KLRF2: variants seen among roughly 807,000 people sequenced by gnomAD.
KLRF2 encodes the protein killer cell lectin like receptor F2, also known as killer cell lectin-like receptor subfamily F member 2.
A neutral mutation model predicts 25.3 loss-of-function variants in KLRF2; 28 were observed. The ratio of observed to expected loss-of-function variants is 1.11; its 90% CI spans 0.82 to 1.52. The LOEUF is 1.52. Ranked by LOEUF, KLRF2 falls within the 40% of genes most tolerant of loss-of-function variation. The probability of loss-of-function intolerance (pLI) is 0.00; values close to 1 mark genes in which losing one functional copy is unlikely to be tolerated. For synonymous variants in KLRF2, 73 were observed against 85.0 expected, an observed-to-expected ratio of 0.86 and a Z score of 0.78; for missense variants, 265 against 245.8, an observed-to-expected ratio of 1.08 and a Z score of -0.52.
chr12:9,891,425 C>G (rs1358557982), intron 3 of KLRF2, among the ~76,000 whole-genome samples: 1 of 152,192 alleles, frequency 6.6e-6, no homozygotes, highest in Non-Finnish European at 1.5e-5. Context: ...CAATGCTACA[C>G]TCATCATTTG....
At position 9,893,478 on chromosome 12, in the gene KLRF2, T is replaced by C. The variant is rs1257184797; in HGVS notation, c.416T>C (p.Leu139Pro). 1 of 1,522,830 alleles carries C rather than the reference T, an allele frequency of 6.6e-7. No homozygotes were observed. The highest frequency in any genetic ancestry group is 8.8e-7 in the Non-Finnish European group (1 of 1,135,716). 94.3% of individuals were successfully genotyped at this position (1,522,830 alleles called of 1,614,324 possible). ...CCTGGACATTTTGGTTGGATTGGAC[T>C]ATATGTTACATTCCAAGGGAACCTA... ...LKPGHFGWIG[L>P]YVTFQGNLWM... The change falls in exon 5 of 6, where the codon CTA becomes CCA. Residue 139 changes from leucine to proline, a missense_variant. Leu to Pro is a moderately conservative substitution (Grantham distance 98). Transcript: ENST00000535540.
chr12:9,889,646 A>ATGTG (rs747024498), intron 3 of KLRF2, among the ~76,000 whole-genome samples: 4 of 140,608 alleles, frequency 2.8e-5, no homozygotes, highest in South Asian at 2.2e-4. Flanking sequence ...GTGTATATAT[A>ATGTG]TGTGTGTGTG....
At chr12:9,890,777 C>T (rs1196393500) in intron 3 of KLRF2, among the ~76,000 whole-genome samples, 3 of 152,260 alleles carry the variant, frequency 2.0e-5, no homozygotes, top group South Asian at 4.1e-4. Flanking sequence ...AGTGATATTT[C>T]GTCATATTCA....
At chr12:9,888,929 T>C (rs752978137) in intron 3 of KLRF2, 149 bp downstream of exon 3, 9 of 490,072 alleles carry the variant, frequency 1.8e-5, no homozygotes, top group African/African-American at 3.8e-5. Context: ...TCTTCCTCAG[T>C]GCCATTGCTG....
chr12:9,894,559 G>T (rs577144392), intron 5 of KLRF2, among the ~76,000 whole-genome samples: 1 of 152,290 alleles, frequency 6.6e-6, no homozygotes, highest in African/African-American at 2.4e-5. Flanking sequence ...AACATGAGGT[G>T]TTGCATGTAA....
At chr12:9,881,910 G>A (rs1380801781) in intron 1 of KLRF2, among the ~76,000 whole-genome samples, 1 of 152,054 alleles carries the variant, frequency 6.6e-6, no homozygotes, top group East Asian at 1.9e-4. Context: ...TGTAGCATAA[G>A]AACATCACTT....
Position 9,893,429 on chromosome 12 carries a change from G to T in KLRF2, c.367G>T (p.Glu123Ter), listed in dbSNP as rs952140217. The T allele has an allele frequency of 1.7e-5, 23 of 1,321,434 alleles. No homozygotes were observed. In the East Asian group the frequency reaches 3.3e-4, roughly 19 times the overall value. 81.9% of individuals were successfully genotyped at this position (1,321,434 alleles called of 1,614,324 possible). Residue 123 changes from glutamate (E) to a stop codon, truncating the protein, a stop_gained and splice_region_variant, in exon 5 of 6, where the codon GAG becomes TAG. Coordinates refer to ENST00000535540, the MANE Select transcript of KLRF2 (RefSeq NM_001190765.1). LOFTEE classifies it high-confidence loss of function. ...LLVIQNLDEL[E>*]FIQNSLKPGH... ...AATAAATGCACTATTTCTTCTGCAGGAGTTCATACAGAACAGTTTAAAACC... is the reference window on the plus strand; with the variant it reads ...AATAAATGCACTATTTCTTCTGCAGTAGTTCATACAGAACAGTTTAAAACC...
chr12:9,893,024 C>G lies in KLRF2; in HGVS notation c.222C>G (p.His74Gln), dbSNP rs978224780. The change falls in exon 4 of 6, where the codon CAC becomes CAG. Residue 74 changes from histidine to glutamine, a missense_variant. Physicochemically the swap from His to Gln is conservative, Grantham distance 24 (BLOSUM62 0). Coordinates refer to ENST00000535540, the MANE Select transcript of KLRF2 (RefSeq NM_001190765.1). ...QNVNVSSLSG[H>Q]NYLCPNDWLL... is the part of the protein sequence containing the mutation. ...TTCCCCTATGTTTTCCTTTAGGACA[C>G]AATTACTTGTGCCCAAATGACTGGC... 1.5e-5 allele frequency: 23 copies of G among 1,534,570 alleles called. No individual in the cohort carries two copies. In the African/African-American group the frequency reaches 3.2e-4, roughly 21 times the overall value.
chr12:9,884,717 A>G (rs1377801034), intron 1 of KLRF2, among the ~76,000 whole-genome samples: 1 of 151,014 alleles, frequency 6.6e-6, no homozygotes, highest in Non-Finnish European at 1.5e-5. Context: ...ACACCACCAA[A>G]TAATTAACAA....
intron 1 of KLRF2, 64 bp from the exon 2 acceptor site, chr12:9,884,870 A>G: frequency 1.9e-6 from 1 of 527,374 alleles, no homozygotes; most frequent in Non-Finnish European, 3.2e-6. Context: ...TCTGTAATAA[A>G]AATGAAACAG....
intron 3 of KLRF2, among the ~76,000 whole-genome samples, chr12:9,891,381 T>C (rs1444512485): frequency 6.6e-6 from 1 of 152,202 alleles, no homozygotes; most frequent in Non-Finnish European, 1.5e-5. Flanking sequence ...TTTTGGACAG[T>C]AAGTGTCCAC....
chr12:9,887,261 T>A lies in KLRF2; in HGVS notation c.170-1472T>A, dbSNP rs183027062. ...CGGAACAGAATACAAAAACAGATAA[T>A]ACATAGAAAGAGATGATAGATTAGA... On this transcript the variant is annotated intron_variant, in intron 2 of 5. Coordinates refer to ENST00000535540, the MANE Select transcript of KLRF2 (RefSeq NM_001190765.1). Among the ~76,000 whole-genome samples the A allele has an allele frequency of 1.6e-3, 236 of 151,994 alleles. 1 individual carries two copies. Among genetic ancestry groups the A allele is most frequent in the Non-Finnish European group, 2.8e-3 (190 of 67,944 alleles).
At chr12:9,887,827 G>A (rs1445189346) in intron 2 of KLRF2, among the ~76,000 whole-genome samples, 1 of 151,252 alleles carries the variant, frequency 6.6e-6, no homozygotes, top group Non-Finnish European at 1.5e-5. Flanking sequence ...CAAGGCAGGT[G>A]GAGCGCTTGA....
chr12:9,894,173 TTC>T (rs1277413803), intron 5 of KLRF2, among the ~76,000 whole-genome samples: 2 of 149,840 alleles, frequency 1.3e-5, no homozygotes, highest in Non-Finnish European at 3.0e-5. Flanking sequence ...CCTTCTTTGT[TTC>T]TTTCTTTCTT....
chr12:9,884,275 A>T (rs1245483116), intron 1 of KLRF2, among the ~76,000 whole-genome samples: 1 of 152,174 alleles, frequency 6.6e-6, no homozygotes, highest in Admixed American at 6.5e-5. Context: ...ATGAAATACT[A>T]TAGCATAGAT....
At chr12:9,886,600 A>G (rs1333361687) in intron 2 of KLRF2, among the ~76,000 whole-genome samples, 1 of 152,186 alleles carries the variant, frequency 6.6e-6, no homozygotes, top group Non-Finnish European at 1.5e-5. Context: ...ATTCTTTAAT[A>G]CATACAATGC....
chr12:9,884,366 A>AATAT (rs1261560360), intron 1 of KLRF2, among the ~76,000 whole-genome samples: 1 of 151,862 alleles, frequency 6.6e-6, no homozygotes, highest in African/African-American at 2.4e-5. Flanking sequence ...AACCCAGAAA[A>AATAT]ATATAATATA....
rs111971457 is a variant in KLRF2 at position 9,890,821 on chromosome 12, A to G, written c.217+2041A>G. Among the ~76,000 whole-genome samples the G allele has an allele frequency of 9.6e-3, 1,464 of 152,330 alleles. 18 individuals carry two copies. The highest frequency in any genetic ancestry group is 0.034 in the African/African-American group (1,408 of 41,574). On this transcript the variant is annotated intron_variant, in intron 3 of 5. Transcript: ENST00000535540. Reference sequence around the variant, plus strand: ...ACCCATAGTTATGAAGAAATTACACAGGTCATGTGCACCAGAGGCTGGACC... The same window carrying G: ...ACCCATAGTTATGAAGAAATTACACGGGTCATGTGCACCAGAGGCTGGACC...
chr12:9,884,867 TA>T, intron 1 of KLRF2, 66 bp from the exon 2 acceptor site: 2 of 513,186 alleles, frequency 3.9e-6, no homozygotes, highest in Non-Finnish European at 6.6e-6. Flanking sequence ...GTCTCTGTAA[TA>T]AAAATGAAAC....
Sources: gnomAD v4.1 joint callset for allele counts (sites outside exome capture counted in the v4.1 genomes callset) on GRCh38, gnomAD v4.1.1 for gene constraint, MANE v1.5 for transcripts, NCBI Gene and HGNC (gene_info 2026-07-23, HGNC 2026-07-21) for gene names.